ESR1: variants seen among roughly 807,000 people sequenced by gnomAD.
The protein encoded by ESR1 is estrogen receptor 1.
ESR1 carries 12 observed loss-of-function variants against 52.7 expected under a neutral mutation model. The ratio of observed to expected loss-of-function variants is 0.23; its 90% confidence interval spans 0.15 to 0.37. The LOEUF (loss-of-function observed/expected upper bound fraction) is 0.37, where lower values mean the gene tolerates loss of function less well. Among genes scored for constraint, ESR1 ranks in the 10% least tolerant of loss-of-function variants. The pLI, the probability that ESR1 is intolerant of heterozygous loss-of-function variation, is 1.00. For missense variants in ESR1, 584 were observed against 779.7 expected, an observed-to-expected ratio of 0.75 and a Z score of 2.99; for synonymous variants, 305 against 316.8, an observed-to-expected ratio of 0.96 and a Z score of 0.39.
Position 152,094,878 on chromosome 6 carries a change from A to G in ESR1, c.1553+310A>G, listed in dbSNP as rs955468549. Among the ~76,000 whole-genome samples, 1 of 152,170 alleles carries G rather than the reference A, an allele frequency of 6.6e-6. No homozygotes were observed. Among genetic ancestry groups the G allele is most frequent in the Admixed American group, 6.5e-5 (1 of 15,280 alleles). ...AAATAGGAGGAGGGGGCCAATCAAG[A>G]GAAGTCAGTGAATGTACACATCCCC... On this transcript the variant is annotated intron_variant, in intron 7 of 7. Transcript: ENST00000206249. This position sits in a 1 kb window ranked among gnomAD's most constrained non-coding sequence, Gnocchi z 4.6.
In ESR1 at chr6:151,850,080, T is replaced by TTTTA. The variant is rs1786237508; in HGVS notation, c.643+7294_643+7295insTTAT. 6.2e-5 allele frequency among the ~76,000 whole-genome samples: 3 copies of TTTTA among 48,432 alleles called. No homozygotes were observed. In the East Asian group the frequency reaches 2.4e-3, roughly 38 times the overall value. 31.8% of individuals were successfully genotyped at this position (48,432 alleles called of 152,430 possible). On this transcript the variant is annotated intron_variant, in intron 2 of 7. Coordinates refer to ENST00000206249, the MANE Select transcript of ESR1 (RefSeq NM_000125.4). ...TATAATTTTATATATATATAAAAAA[T>TTTTA]TATATATATATAATTTTATATATAT...
chr6:151,717,223 A>T (rs1454606435), intron 2 of ESR1, among the ~76,000 whole-genome samples: 1 of 152,160 alleles, frequency 6.6e-6, no homozygotes, highest in Non-Finnish European at 1.5e-5. Context: ...TGAGCTGGGT[A>T]CCTCAGTTGG....
chr6:151,706,068 A>G (rs1296458208), intron 2 of ESR1, among the ~76,000 whole-genome samples: 2 of 152,174 alleles, frequency 1.3e-5, no homozygotes, highest in South Asian at 2.1e-4. Flanking sequence ...AATCTTAGTT[A>G]TTTGGACTTT....
At chr6:151,766,595 T>C (rs1440153501) in intron 2 of ESR1, among the ~76,000 whole-genome samples, 1 of 152,224 alleles carries the variant, frequency 6.6e-6, no homozygotes, top group Non-Finnish European at 1.5e-5. Context: ...ATTTTAATAA[T>C]GATTTTGCTG....
intron 6 of ESR1, among the ~76,000 whole-genome samples, chr6:152,119,011 T>C (rs184256672): frequency 8.4e-4 from 128 of 152,276 alleles, no homozygotes; most frequent in African/African-American, 2.8e-3. Flanking sequence ...TGCTGGTGAA[T>C]TGGTTGCACC....
chr6:152,122,817 T>G, intron 6 of ESR1: 1 of 1,281,008 alleles, frequency 7.8e-7, no homozygotes. Flanking sequence ...CCTTCCACAG[T>G]GTGCCCAGGT....
intron 2 of ESR1, among the ~76,000 whole-genome samples, chr6:151,765,196 T>C (rs1485346518): frequency 7.2e-5 from 11 of 152,238 alleles, no homozygotes; most frequent in Admixed American, 3.3e-4. Context: ...TTTTCACTTA[T>C]AGCACACGCA....
chr6:151,835,613 G>A (rs1437201059), intron 1 of ESR1, among the ~76,000 whole-genome samples: 1 of 152,208 alleles, frequency 6.6e-6, no homozygotes, highest in Non-Finnish European at 1.5e-5. Context: ...TCTGGAACTA[G>A]AGCTTGATTT....
intron 5 of ESR1, among the ~76,000 whole-genome samples, chr6:152,043,241 A>G (rs2045952024): frequency 6.6e-6 from 1 of 152,154 alleles, no homozygotes; most frequent in Non-Finnish European, 1.5e-5. Context: ...ATTTCAGCTA[A>G]CCAAGCAAAT....
chr6:151,782,711 C>G (rs747722824), intron 2 of ESR1, among the ~76,000 whole-genome samples: 4 of 152,180 alleles, frequency 2.6e-5, no homozygotes, highest in Non-Finnish European at 5.9e-5. Flanking sequence ...TATTATGGCT[C>G]TCCTCCAGAA....
At chr6:151,733,638 T>A (rs1782424036) in intron 2 of ESR1, among the ~76,000 whole-genome samples, 1 of 152,148 alleles carries the variant, frequency 6.6e-6, no homozygotes. Flanking sequence ...ATTTAGGAAG[T>A]GGTAAAATGG....
At chr6:151,998,928 A>T (rs1221701230) in intron 4 of ESR1, among the ~76,000 whole-genome samples, 1 of 152,076 alleles carries the variant, frequency 6.6e-6, no homozygotes, top group Admixed American at 6.6e-5. Flanking sequence ...GATGTCATGG[A>T]CAGAACCCAC....
intron 3 of ESR1, among the ~76,000 whole-genome samples, chr6:151,921,239 C>T (rs988219062): frequency 7.9e-5 from 12 of 152,134 alleles, no homozygotes; most frequent in African/African-American, 2.9e-4. Flanking sequence ...CCAGCTCCAT[C>T]CATGTCTCTG....
chr6:151,751,914 C>A (rs955186607), intron 2 of ESR1, among the ~76,000 whole-genome samples: 11 of 152,096 alleles, frequency 7.2e-5, no homozygotes, highest in Non-Finnish European at 1.3e-4. Flanking sequence ...GATACATTAC[C>A]GAAATATTTT....
intron 3 of ESR1, among the ~76,000 whole-genome samples, chr6:151,910,269 G>A (rs4870060): frequency 0.52 from 79,262 of 151,694 alleles, 22,705 homozygotes; most frequent in Middle Eastern, 0.74. Context: ...TTAAATTTAA[G>A]TAGCAACATG....
chr6:151,985,833 A>AT (rs753348127), intron 4 of ESR1, among the ~76,000 whole-genome samples: 11 of 151,792 alleles, frequency 7.2e-5, no homozygotes, highest in South Asian at 2.1e-4. Context: ...TCCCTGGCTA[A>AT]TTTTTTGTAT....
At chr6:152,010,196 A>G (rs1406971622) in intron 4 of ESR1, among the ~76,000 whole-genome samples, 1 of 152,152 alleles carries the variant, frequency 6.6e-6, no homozygotes, top group Non-Finnish European at 1.5e-5. Flanking sequence ...GAAAGATGAT[A>G]CTTAAGCATG....
At chr6:151,861,767 A>G (rs1272980745) in intron 2 of ESR1, among the ~76,000 whole-genome samples, 1 of 150,530 alleles carries the variant, frequency 6.6e-6, no homozygotes, top group Non-Finnish European at 1.5e-5. Flanking sequence ...TTATTCTTAC[A>G]CTTTTTTTTT....
chr6:152,118,278 G>A (rs1254803624), intron 6 of ESR1: 1 of 152,100 alleles, frequency 6.6e-6, no homozygotes, highest in Non-Finnish European at 1.5e-5. Flanking sequence ...AACTGGTGCT[G>A]GGAAATATGG....
Sources: allele counts gnomAD v4.1 joint callset (sites outside exome capture counted in the v4.1 genomes callset), GRCh38; gene constraint gnomAD v4.1.1; non-coding constraint Gnocchi (gnomAD v3.1); transcripts MANE v1.5; gene names NCBI Gene and HGNC (gene_info 2026-07-23, HGNC 2026-07-21).